The following KCNU1 variants were observed in gnomAD, a reference collection of about 807,000 sequenced individuals.
The protein encoded by KCNU1 is potassium channel subfamily U member 1.
A neutral mutation model predicts 126.8 loss-of-function variants in KCNU1; 93 were observed. The observed-to-expected ratio is 0.73, with a 90% confidence interval of 0.62 to 0.87. The LOEUF is 0.87. Ranked by LOEUF, KCNU1 falls within the 40% of genes least tolerant of loss-of-function variation. The pLI is 0.00. For synonymous variants in KCNU1, 523 were observed against 494.2 expected, an observed-to-expected ratio of 1.06 and a Z score of -0.77; for missense variants, 1,330 against 1,367.1, an observed-to-expected ratio of 0.97 and a Z score of 0.43.
chr8:36,825,389 G>A (rs1250813575), intron 10 of KCNU1, among the ~76,000 whole-genome samples: 1 of 152,042 alleles, frequency 6.6e-6, no homozygotes, highest in Non-Finnish European at 1.5e-5. Flanking sequence ...GGTACATGCA[G>A]GATTAAGCTT....
At chr8:36,829,920 A>G (rs1449841336) in intron 10 of KCNU1, among the ~76,000 whole-genome samples, 1 of 151,036 alleles carries the variant, frequency 6.6e-6, no homozygotes, top group Admixed American at 6.6e-5. Flanking sequence ...TTCTTAGTAC[A>G]GGAAAAACAC....
At chr8:36,900,928 C>T (rs546355075) in intron 19 of KCNU1, among the ~76,000 whole-genome samples, 1 of 152,098 alleles carries the variant, frequency 6.6e-6, no homozygotes, top group South Asian at 2.1e-4. Flanking sequence ...TCAAATCTTG[C>T]CCCAAAAATA....
At chr8:36,830,636 A>G (rs1007351605) in intron 10 of KCNU1, among the ~76,000 whole-genome samples, 1 of 152,004 alleles carries the variant, frequency 6.6e-6, no homozygotes, top group African/African-American at 2.4e-5. Context: ...TAAACGCGAA[A>G]CCATGTAGAA....
At chr8:36,813,529 A>G (rs1803798407) in intron 7 of KCNU1, among the ~76,000 whole-genome samples, 1 of 150,446 alleles carries the variant, frequency 6.6e-6, no homozygotes, top group African/African-American at 2.4e-5. Flanking sequence ...AATATTTTAC[A>G]TATATTTATA....
At chr8:36,921,606 A>AAGGCAGAG (rs1373453641) in intron 23 of KCNU1, among the ~76,000 whole-genome samples, 1 of 149,472 alleles carries the variant, frequency 6.7e-6, no homozygotes, top group Non-Finnish European at 1.5e-5. Context: ...TTGAACCCAG[A>AAGGCAGAG]AGGCAGAGGT....
At chr8:36,848,006 G>C (rs1805211946) in intron 18 of KCNU1, among the ~76,000 whole-genome samples, 1 of 152,114 alleles carries the variant, frequency 6.6e-6, no homozygotes, top group Admixed American at 6.6e-5. Flanking sequence ...TTTCATGATA[G>C]TCATTGTAAC....
chr8:36,824,595 C>A (rs1374694928), intron 10 of KCNU1, among the ~76,000 whole-genome samples: 1 of 152,118 alleles, frequency 6.6e-6, no homozygotes, highest in Non-Finnish European at 1.5e-5. Context: ...CCATAGCTAG[C>A]ACACCAACAC....
intron 19 of KCNU1, among the ~76,000 whole-genome samples, chr8:36,884,801 C>G (rs1027395590): frequency 1.3e-5 from 2 of 151,926 alleles, no homozygotes; most frequent in African/African-American, 4.8e-5. Flanking sequence ...GAAAACCAAG[C>G]CTCTTGATTC....
intron 25 of KCNU1, among the ~76,000 whole-genome samples, chr8:36,931,839 C>G (rs2117616342): frequency 6.6e-6 from 1 of 152,200 alleles, no homozygotes; most frequent in Non-Finnish European, 1.5e-5. Flanking sequence ...AGCTGGTAAA[C>G]AGTAGATTAC....
Position 36,936,062 on chromosome 8 carries a change from T to C in KCNU1, c.*142T>C. 1.5e-6 allele frequency: 1 copy of C among 655,996 alleles called. No individual in the cohort carries two copies. Among genetic ancestry groups the C allele is most frequent in the Non-Finnish European group, 2.5e-6 (1 of 403,268 alleles). The allele number at this position is 655,996 out of a possible 1,614,324, so 40.6% of individuals were successfully genotyped here. A position where few individuals can be genotyped will look rare whatever the true frequency, so the allele number is the denominator to read the frequency against. On this transcript the variant is annotated 3_prime_UTR_variant, in exon 27 of 27. Coordinates refer to ENST00000399881, the MANE Select transcript of KCNU1 (RefSeq NM_001031836.3). ...AGTGGTTCATGAAGGCCACACTGTT[T>C]TGGGTGAGACAAAAGTCTAATGCCA...
intron 15 of KCNU1, 142 bp downstream of exon 15, chr8:36,840,717 G>T: frequency 1.5e-6 from 1 of 687,250 alleles, no homozygotes; most frequent in Non-Finnish European, 2.5e-6. Context: ...AAACTTAGAA[G>T]TTTACAGTTG....
chr8:36,796,996 G>C (rs1447550889), intron 2 of KCNU1, among the ~76,000 whole-genome samples: 2 of 152,130 alleles, frequency 1.3e-5, no homozygotes, highest in African/African-American at 4.8e-5. Context: ...GCAAGAAAGA[G>C]AGAACAGGTA....
chr8:36,788,779 T>C (rs1212750904), intron 2 of KCNU1, among the ~76,000 whole-genome samples: 1 of 152,200 alleles, frequency 6.6e-6, no homozygotes, highest in Non-Finnish European at 1.5e-5. Context: ...TCTGATGATA[T>C]CAGGGATTTG....
intron 22 of KCNU1, among the ~76,000 whole-genome samples, chr8:36,915,093 C>T (rs548835112): frequency 8.5e-5 from 13 of 152,302 alleles, no homozygotes; most frequent in Admixed American, 4.6e-4. Flanking sequence ...GTGATTGTGT[C>T]TGTACCCGAT....
At chr8:36,878,509 C>T (rs1442164292) in intron 19 of KCNU1, among the ~76,000 whole-genome samples, 4 of 152,108 alleles carry the variant, frequency 2.6e-5, no homozygotes, top group Admixed American at 6.6e-5. Context: ...CTCAGTTTCC[C>T]AGTTTCTCAT....
intron 19 of KCNU1, chr8:36,888,802 A>G (rs1418937583): frequency 3.8e-6 from 2 of 523,690 alleles, no homozygotes; most frequent in Non-Finnish European, 7.8e-6. Context: ...AACAGAGACC[A>G]GAAAGAGTGA....
chr8:36,852,331 C>T (rs1475763710), intron 18 of KCNU1, among the ~76,000 whole-genome samples: 1 of 151,972 alleles, frequency 6.6e-6, no homozygotes, highest in African/African-American at 2.4e-5. Context: ...CTTTAGGTTC[C>T]TTTTCTTGTA....
At position 36,898,633 on chromosome 8, in the gene KCNU1, A is replaced by G. The variant is rs149829898; in HGVS notation, c.2010-7075A>G. On this transcript the variant is annotated intron_variant, in intron 19 of 26. Coordinates refer to ENST00000399881, the MANE Select transcript of KCNU1 (RefSeq NM_001031836.3). The stretch of plus-strand genomic sequence containing the variant: ...TGCATTTGTTTCAGTAATGCGTTTT[A>G]GGATTGAAAGTGTCAGAGTAACTGA... Among the ~76,000 whole-genome samples the G allele has an allele frequency of 2.9e-3, 443 of 152,228 alleles. 2 individuals carry two copies. The highest frequency in any genetic ancestry group is 0.026 in the East Asian group (136 of 5,170).
At chr8:36,863,531 G>A (rs1270791506) in intron 18 of KCNU1, among the ~76,000 whole-genome samples, 1 of 152,170 alleles carries the variant, frequency 6.6e-6, no homozygotes, top group Non-Finnish European at 1.5e-5. Flanking sequence ...TTTGAAAATT[G>A]AAGAGAAGCA....
Sources: allele counts gnomAD v4.1 joint callset (sites outside exome capture counted in the v4.1 genomes callset), GRCh38; gene constraint gnomAD v4.1.1; transcripts MANE v1.5; gene names NCBI Gene and HGNC (gene_info 2026-07-23, HGNC 2026-07-21).